WASHC4: variants seen among roughly 807,000 people sequenced by gnomAD.
WASHC4 encodes the protein WASH complex subunit 7.
Under a neutral mutation model 166.6 loss-of-function variants are expected in WASHC4, and 86 were observed. That is an observed-to-expected ratio of 0.52 (90% CI 0.43 to 0.62). The LOEUF is 0.62. WASHC4 is among the 20% of genes least tolerant of loss of function. WASHC4 has a pLI of 0.00. For missense variants in WASHC4, 1,262 were observed against 1,382.4 expected (o/e 0.91, Z 1.38); for synonymous variants, 446 against 451.6 (o/e 0.99, Z 0.16).
At chr12:105,122,856 T>C (rs1880897512) in intron 10 of WASHC4, among the ~76,000 whole-genome samples, 1 of 152,174 alleles carries the variant, frequency 6.6e-6, no homozygotes, top group Non-Finnish European at 1.5e-5. Flanking sequence ...CTCTTGTCCT[T>C]TCTCCCTCTC....
chr12:105,147,019 A>G, intron 23 of WASHC4, 23 bp from the exon 24 acceptor site: 1 of 1,345,426 alleles, frequency 7.4e-7, no homozygotes, highest in East Asian at 2.3e-5. Flanking sequence ...GTTGTTACTG[A>G]GCATAAATTT....
chr12:105,124,156 G>A (rs1303156879), intron 10 of WASHC4, among the ~76,000 whole-genome samples: 1 of 117,892 alleles, frequency 8.5e-6, no homozygotes, highest in African/African-American at 3.3e-5. Context: ...TTTCACTCTT[G>A]TTGCCCAGGC....
intron 14 of WASHC4, among the ~76,000 whole-genome samples, chr12:105,136,145 T>G (rs1411419706): frequency 6.6e-6 from 1 of 152,156 alleles, no homozygotes; most frequent in Non-Finnish European, 1.5e-5. Flanking sequence ...CTTACTTTTT[T>G]GGGGGGTTAT....
intron 2 of WASHC4, among the ~76,000 whole-genome samples, chr12:105,113,097 C>G (rs1879842175): frequency 6.6e-6 from 1 of 152,014 alleles, no homozygotes; most frequent in Admixed American, 6.6e-5. Context: ...TTTTGTTCCT[C>G]AACACTTCTG....
intron 15 of WASHC4, among the ~76,000 whole-genome samples, chr12:105,139,425 GTATATATATATATATATA>G (rs71069791): frequency 4.8e-5 from 5 of 103,190 alleles, no homozygotes; most frequent in East Asian, 2.8e-4. Context: ...ATGTGTGTGT[GTATATATATATATATATA>G]TATATATATA....
rs188720075 is a variant in WASHC4, at chr12:105,164,845, A to G, written c.3454+105A>G. 1,027 of 758,704 alleles carry G rather than the reference A, an allele frequency of 1.4e-3. 1 individual carries two copies. Among genetic ancestry groups the G allele is most frequent in the Non-Finnish European group, 1.9e-3 (852 of 444,870 alleles). 47.0% of individuals were successfully genotyped at this position (758,704 alleles called of 1,614,324 possible). A position where few individuals can be genotyped will look rare whatever the true frequency, so the allele number is the denominator to read the frequency against. On this transcript the variant is annotated intron_variant, in intron 32 of 32. Coordinates refer to ENST00000332180, the MANE Select transcript of WASHC4 (RefSeq NM_015275.3). ...ACATCTAGCTTCTTTGTCCTTTTGG[A>G]AAATAACACAGACCTAGCATTAAGT...
intron 31 of WASHC4, 40 bp from the exon 32 acceptor site, chr12:105,164,597 ATAAG>A (rs753970196): frequency 5.2e-6 from 7 of 1,354,388 alleles, no homozygotes; most frequent in African/African-American, 1.4e-5. Context: ...TTTTGCCATA[ATAAG>A]TATTTTTGGT....
chr12:105,160,113 C>T lies in WASHC4; in HGVS notation c.3025C>T (p.His1009Tyr). ...AGAATTTCGAAGGCCAAAGAATATACATCTCCGAAATTTCTATATAATTGT... is the reference window on the plus strand; with the variant it reads ...AGAATTTCGAAGGCCAAAGAATATATATCTCCGAAATTTCTATATAATTGT... ...APEFRRPKNI[H>Y]LRNFYIIVPP... Residue 1009 changes from histidine (H) to tyrosine (Y), a missense_variant, in exon 29 of 33, where the codon CAT becomes TAT. Coordinates refer to ENST00000332180, the MANE Select transcript of WASHC4 (RefSeq NM_015275.3). 6.2e-7 allele frequency: 1 copy of T among 1,613,658 alleles called. No homozygotes were observed. Among genetic ancestry groups the T allele is most frequent in the Non-Finnish European group, 8.5e-7 (1 of 1,179,568 alleles).
At chr12:105,123,429 A>G (rs1296749340) in intron 10 of WASHC4, among the ~76,000 whole-genome samples, 1 of 152,262 alleles carries the variant, frequency 6.6e-6, no homozygotes, top group Non-Finnish European at 1.5e-5. Context: ...CTGTGAACAC[A>G]CAGATGATAA....
At chr12:105,152,580 T>A (rs1883853476) in intron 26 of WASHC4, 129 bp downstream of exon 26, 1 of 679,198 alleles carries the variant, frequency 1.5e-6, no homozygotes, top group South Asian at 1.6e-5. Context: ...CTCATGTAAT[T>A]TTTTTACCCC....
chr12:105,151,869 A>G (rs1451232513), intron 25 of WASHC4, among the ~76,000 whole-genome samples: 1 of 152,244 alleles, frequency 6.6e-6, no homozygotes, highest in African/African-American at 2.4e-5. Context: ...TTATTACAAA[A>G]TGAATAATTT....
Position 105,107,873 on chromosome 12 carries a change from G to T in WASHC4, c.61+12G>T. ...CGACGGCTCGCAGAGTAAGGGAGCT[G>T]CAGGGCGAGGGCTGCGGGTGGACGC... On this transcript the variant is annotated intron_variant, in intron 1 of 32. Coordinates refer to ENST00000332180, the MANE Select transcript of WASHC4 (RefSeq NM_015275.3). The T allele has an allele frequency of 6.5e-7, 1 of 1,543,174 alleles. No homozygotes were observed. The highest frequency in any genetic ancestry group is 8.8e-7 in the Non-Finnish European group (1 of 1,139,866).
chr12:105,140,805 A>T, intron 16 of WASHC4, 94 bp from the exon 17 acceptor site: 1 of 1,268,178 alleles, frequency 7.9e-7, no homozygotes. Flanking sequence ...ATGCTCTCTT[A>T]AATTGAATCA....
At chr12:105,134,235 T>G (rs1882111756) in intron 14 of WASHC4, among the ~76,000 whole-genome samples, 1 of 152,146 alleles carries the variant, frequency 6.6e-6, no homozygotes, top group African/African-American at 2.4e-5. Flanking sequence ...TCTAGTTATT[T>G]TATTATTGAG....
intron 6 of WASHC4, 53 bp from the exon 7 acceptor site, chr12:105,118,393 A>G: frequency 1.6e-6 from 2 of 1,240,582 alleles, no homozygotes; most frequent in South Asian, 2.4e-5. Context: ...TCAGTAAAAA[A>G]TGGTGAGATT....
Position 105,164,319 on chromosome 12 carries a change from C to A in WASHC4, c.3354+12C>A. On this transcript the variant is annotated intron_variant, in intron 31 of 32. Transcript: ENST00000332180. ...ATGTCTATCTACAGGTAGAGAGGAG[C>A]CTAAGAGTCACATCTGCTTTGACTT... The A allele has an allele frequency of 6.2e-7, 1 of 1,607,322 alleles. No individual in the cohort carries two copies. The highest frequency in any genetic ancestry group is 8.5e-7 in the Non-Finnish European group (1 of 1,174,168).
Position 105,160,071 on chromosome 12 carries a change from G to T in WASHC4, c.2983G>T (p.Val995Leu). The T allele has an allele frequency of 6.2e-7, 1 of 1,613,626 alleles. No individual in the cohort carries two copies. The highest frequency in any genetic ancestry group is 8.5e-7 in the Non-Finnish European group (1 of 1,179,552). ...AGGCACAGAATATTTCAAAATGCTT[G>T]TAGACGTTTTTGCTCCAGAATTTCG... is the stretch of plus-strand genomic sequence containing the variant. ...AEGTEYFKML[V>L]DVFAPEFRRP... is the part of the protein sequence containing the mutation. Residue 995 changes from valine (V) to leucine (L), a missense_variant, in exon 29 of 33, where the codon GTA (valine) becomes TTA (leucine). By Grantham distance (32) the Val-to-Leu change is conservative. Transcript: ENST00000332180.
At chr12:105,125,619 A>G (rs2135750228) in intron 10 of WASHC4, among the ~76,000 whole-genome samples, 1 of 152,300 alleles carries the variant, frequency 6.6e-6, no homozygotes, top group African/African-American at 2.4e-5. Context: ...AGACATTTCT[A>G]TACATGCTAT....
chr12:105,141,073 C>G, intron 17 of WASHC4, 28 bp downstream of exon 17: 1 of 1,613,344 alleles, frequency 6.2e-7, no homozygotes, highest in Non-Finnish European at 8.5e-7. Flanking sequence ...ACTTATGGAA[C>G]AGAAATGAGA....
Sources: allele counts gnomAD v4.1 joint callset (sites outside exome capture counted in the v4.1 genomes callset), GRCh38; gene constraint gnomAD v4.1.1; transcripts MANE v1.5; gene names NCBI Gene and HGNC (gene_info 2026-07-23, HGNC 2026-07-21).